PALS2: variants seen among roughly 807,000 people sequenced by gnomAD.
PALS2 encodes the protein protein PALS2.
In PALS2, 27 loss-of-function variants were observed where a neutral mutation model predicts 61.6. The ratio of observed to expected loss-of-function variants is 0.44; its 90% CI spans 0.32 to 0.60. The LOEUF is 0.60. PALS2 is among the 20% of genes least tolerant of loss of function. The pLI is 0.05. For synonymous variants in PALS2, 236 were observed against 218.6 expected, an observed-to-expected ratio of 1.08 and a Z score of -0.70; for missense variants, 554 against 639.4, an observed-to-expected ratio of 0.87 and a Z score of 1.44.
chr7:24,581,297 G>C (rs1782835558), intron 1 of PALS2, among the ~76,000 whole-genome samples: 1 of 150,646 alleles, frequency 6.6e-6, no homozygotes, highest in South Asian at 2.1e-4. Flanking sequence ...GTGTCAGAGA[G>C]AAAGGGAAAT....
chr7:24,649,670 GC>G lies in PALS2; in HGVS notation c.332del (p.Pro111GlnfsTer3). The G allele has an allele frequency of 6.2e-7, 1 of 1,612,038 alleles. No individual in the cohort carries two copies. On this transcript the variant is annotated frameshift_variant, in exon 4 of 12. Coordinates refer to ENST00000222644, the MANE Select transcript of PALS2 (RefSeq NM_001303037.2). LOFTEE classifies it high-confidence loss of function. Reference sequence around the variant, plus strand: ...AAGTGTTATGATTCACCTCCATCAAGCCCAGAAATGAATAATTCTTCTATCA... The same window carrying G: ...AAGTGTTATGATTCACCTCCATCAAGCCAGAAATGAATAATTCTTCTATCA... The part of the protein sequence containing the change: ...ASKCYDSPPS[S>X]PEMNNSSINN...
At chr7:24,649,502 C>A in intron 3 of PALS2, 110 bp from the exon 4 acceptor site, 1 of 900,860 alleles carries the variant, frequency 1.1e-6, no homozygotes, top group Non-Finnish European at 1.6e-6. Flanking sequence ...ATACCATGTG[C>A]CTTGGAAATT....
At position 24,668,666 on chromosome 7, in the gene PALS2, T is replaced by A. The variant is rs1210330048; in HGVS notation, c.1114+6T>A. 1 of 1,613,346 alleles carries A rather than the reference T, an allele frequency of 6.2e-7. No individual in the cohort carries two copies. The highest frequency in any genetic ancestry group is 2.2e-5 in the East Asian group (1 of 44,838). On this transcript the variant is annotated splice_donor_region_variant and intron_variant, in intron 9 of 11. Transcript: ENST00000222644. The stretch of plus-strand genomic sequence containing the variant: ...ATTTGGAACTACGGTGCCATGTAAG[T>A]TTTCTGTGTTTTCCTTGCTATGCAA...
chr7:24,599,500 A>G (rs1583853846), intron 1 of PALS2, among the ~76,000 whole-genome samples: 3 of 140,044 alleles, frequency 2.1e-5, no homozygotes, highest in Middle Eastern at 3.5e-3. Context: ...AATATCTTCT[A>G]TAAGCTTTTT....
At chr7:24,635,987 G>A (rs1187425259) in intron 2 of PALS2, among the ~76,000 whole-genome samples, 4 of 151,902 alleles carry the variant, frequency 2.6e-5, no homozygotes, top group Non-Finnish European at 5.9e-5. Context: ...TGAGGCGGGC[G>A]GATCACCTGA....
At position 24,691,399 on chromosome 7, in the gene PALS2, G is replaced by GTGTGTC. The variant is rs1427534672; in HGVS notation, c.*3790_*3791insCTGTGT. On this transcript the variant is annotated 3_prime_UTR_variant, in exon 12 of 12. Coordinates refer to ENST00000222644, the MANE Select transcript of PALS2 (RefSeq NM_001303037.2). ...TGCCATATATTATGTATGTGTGTGT[G>GTGTGTC]TGTGTGTATATATATATATATATAT... 1.8e-5 allele frequency: 2 copies of GTGTGTC among 112,628 alleles called. No individual in the cohort carries two copies. Among genetic ancestry groups the GTGTGTC allele is most frequent in the Non-Finnish European group, 3.8e-5 (2 of 52,048 alleles). 7.0% of individuals were successfully genotyped at this position (112,628 alleles called of 1,614,324 possible).
rs1788394375 is a variant in PALS2 at position 24,689,967 on chromosome 7, T to C, written c.*2353T>C. 6.6e-6 allele frequency: 1 copy of C among 152,250 alleles called. No homozygotes were observed. Among genetic ancestry groups the C allele is most frequent in the Non-Finnish European group, 1.5e-5 (1 of 68,046 alleles). The allele number at this position is 152,250 out of a possible 1,614,324, so 9.4% of individuals were successfully genotyped here. Reference sequence around the variant, plus strand: ...AAATATTTCAATCATCTTGGTACAATAGATGACTTTTACATCATGTATATT... The same window carrying C: ...AAATATTTCAATCATCTTGGTACAACAGATGACTTTTACATCATGTATATT... On this transcript the variant is annotated 3_prime_UTR_variant, in exon 12 of 12. Transcript: ENST00000222644.
At position 24,691,037 on chromosome 7, in the gene PALS2, A is replaced by G. The variant is rs1429574876; in HGVS notation, c.*3423A>G. ...CATAATATCCCAATGACAATAAAAAATGATCCTTGGTTTAAAAATTATTAA... is the reference window on the plus strand; with the variant it reads ...CATAATATCCCAATGACAATAAAAAGTGATCCTTGGTTTAAAAATTATTAA... On this transcript the variant is annotated 3_prime_UTR_variant, in exon 12 of 12. Transcript: ENST00000222644. 6.6e-6 allele frequency: 1 copy of G among 152,176 alleles called. No homozygotes were observed. The highest frequency in any genetic ancestry group is 1.5e-5 in the Non-Finnish European group (1 of 68,010). 9.4% of individuals were successfully genotyped at this position (152,176 alleles called of 1,614,324 possible).
chr7:24,619,611 G>A (rs190794686), intron 1 of PALS2, among the ~76,000 whole-genome samples: 5 of 151,572 alleles, frequency 3.3e-5, no homozygotes, highest in Admixed American at 2.6e-4. Flanking sequence ...CCAGCTACTC[G>A]GGAGGCTGAG....
At chr7:24,660,529 A>G (rs964276799) in intron 5 of PALS2, among the ~76,000 whole-genome samples, 2 of 151,740 alleles carry the variant, frequency 1.3e-5, no homozygotes, top group African/African-American at 4.9e-5. Flanking sequence ...TGGTGCATAC[A>G]CTTCCTATTG....
At chr7:24,654,574 G>A (rs565751441) in intron 5 of PALS2, among the ~76,000 whole-genome samples, 1 of 152,064 alleles carries the variant, frequency 6.6e-6, no homozygotes, top group Non-Finnish European at 1.5e-5. Flanking sequence ...AAAAATTCAA[G>A]ACCTCTACAC....
intron 2 of PALS2, among the ~76,000 whole-genome samples, chr7:24,629,788 A>G (rs1344735398): frequency 6.6e-6 from 1 of 152,234 alleles, no homozygotes; most frequent in Non-Finnish European, 1.5e-5. Context: ...ATACCTTCTC[A>G]CACCAGTTAG....
chr7:24,598,891 T>C (rs1441208586), intron 1 of PALS2, among the ~76,000 whole-genome samples: 1 of 152,228 alleles, frequency 6.6e-6, no homozygotes, highest in Non-Finnish European at 1.5e-5. Flanking sequence ...AACTTATTTT[T>C]ACTGTCAAAA....
At chr7:24,670,713 C>A (rs935954842) in intron 9 of PALS2, among the ~76,000 whole-genome samples, 5 of 152,176 alleles carry the variant, frequency 3.3e-5, no homozygotes, top group African/African-American at 1.2e-4. Flanking sequence ...TTCCTCACCC[C>A]CTGCTGCCAG....
At chr7:24,652,817 C>G (rs1336593401) in intron 5 of PALS2, among the ~76,000 whole-genome samples, 1 of 152,134 alleles carries the variant, frequency 6.6e-6, no homozygotes, top group Non-Finnish European at 1.5e-5. Flanking sequence ...TTCCCTACCA[C>G]GGTAATGTTT....
chr7:24,577,295 G>A (rs1583818285), intron 1 of PALS2, among the ~76,000 whole-genome samples: 2 of 125,450 alleles, frequency 1.6e-5, no homozygotes, highest in Non-Finnish European at 3.3e-5. Flanking sequence ...TTAATATAGT[G>A]TACTAGAAGA....
intron 1 of PALS2, among the ~76,000 whole-genome samples, chr7:24,611,536 G>C (rs1012131910): frequency 3.3e-5 from 5 of 151,650 alleles, no homozygotes; most frequent in African/African-American, 1.2e-4. Flanking sequence ...CTAGTTGTTG[G>C]GGATGCAAAG....
intron 9 of PALS2, among the ~76,000 whole-genome samples, chr7:24,676,615 C>T (rs1787610075): frequency 6.6e-6 from 1 of 152,006 alleles, no homozygotes; most frequent in Non-Finnish European, 1.5e-5. Context: ...GGTCCCAGCA[C>T]CATTTATTAA....
chr7:24,602,118 G>A (rs1783740907), intron 1 of PALS2, among the ~76,000 whole-genome samples: 1 of 151,480 alleles, frequency 6.6e-6, no homozygotes, highest in Admixed American at 6.6e-5. Context: ...TCTACTTTTT[G>A]TGGTATTTCC....
Sources: gnomAD v4.1 joint callset for allele counts (sites outside exome capture counted in the v4.1 genomes callset) on GRCh38, gnomAD v4.1.1 for gene constraint, MANE v1.5 for transcripts, NCBI Gene and HGNC (gene_info 2026-07-23, HGNC 2026-07-21) for gene names.